The following FRMD6 variants were observed in gnomAD, a reference collection of about 807,000 sequenced individuals.
FRMD6 encodes FERM domain-containing protein 6.
Under a neutral mutation model 73.2 loss-of-function variants are expected in FRMD6, and 37 were observed. That is an observed-to-expected ratio of 0.51 (90% CI 0.39 to 0.66). The LOEUF (loss-of-function observed/expected upper bound fraction) is 0.66, where lower values mean the gene tolerates loss of function less well. Ranked by LOEUF, FRMD6 falls within the 30% of genes least tolerant of loss-of-function variation. The pLI is 0.00. For missense variants in FRMD6, 714 were observed against 780.5 expected (o/e 0.91, Z 1.02); for synonymous variants, 273 against 282.2 (o/e 0.97, Z 0.33).
At chr14:51,670,639 G>A (rs1024581188) in intron 1 of FRMD6, among the ~76,000 whole-genome samples, 7 of 150,540 alleles carry the variant, frequency 4.6e-5, no homozygotes, top group African/African-American at 1.7e-4. Context: ...TATATATTTA[G>A]TTAGGTCTTT....
chr14:51,633,692 CAA>C (rs2139992170), intron 2 of FRMD6, among the ~76,000 whole-genome samples: 1 of 131,732 alleles, frequency 7.6e-6, no homozygotes, highest in Admixed American at 7.5e-5. Flanking sequence ...GTTTTAGAAA[CAA>C]GATATTTTCA....
intron 1 of FRMD6, among the ~76,000 whole-genome samples, chr14:51,654,150 A>G (rs1473622641): frequency 2.0e-5 from 3 of 152,098 alleles, no homozygotes; most frequent in African/African-American, 7.2e-5. Flanking sequence ...GAACTTAGAG[A>G]TTTAAGATGC....
intron 3 of FRMD6, among the ~76,000 whole-genome samples, chr14:51,698,751 G>A (rs1007210454): frequency 7.7e-4 from 117 of 151,540 alleles, no homozygotes; most frequent in African/African-American, 2.7e-3. Flanking sequence ...TGGAAATATC[G>A]GGTCAGTTTC....
chr14:51,557,860 G>A (rs1041306134), intron 1 of FRMD6, among the ~76,000 whole-genome samples: 7 of 151,858 alleles, frequency 4.6e-5, no homozygotes, highest in African/African-American at 1.7e-4. Flanking sequence ...TTGGGTACTA[G>A]GCTTACTACC....
the FRMD6 span, among the ~76,000 whole-genome samples, chr14:51,473,621 G>C: frequency 6.6e-6 from 1 of 152,172 alleles, no homozygotes; most frequent in Non-Finnish European, 1.5e-5. Flanking sequence ...CTCTCTTGCT[G>C]ATTCTGGACC....
intron 1 of FRMD6, among the ~76,000 whole-genome samples, chr14:51,527,598 G>A (rs1230893619): frequency 6.6e-6 from 1 of 152,118 alleles, no homozygotes; most frequent in African/African-American, 2.4e-5. Flanking sequence ...AACCTCCACT[G>A]AATAACAGGT....
In FRMD6 at chr14:51,633,439, A is replaced by C. The variant is rs138754040; in HGVS notation, c.-146-56252A>C. Among the ~76,000 whole-genome samples, 1,004 of 151,498 alleles carry C rather than the reference A, an allele frequency of 6.6e-3. 12 individuals are homozygous for C. Among genetic ancestry groups the C allele is most frequent in the African/African-American group, 0.023 (952 of 41,312 alleles). ...CAGCATGGTGAAACCCTGTCTCTAC[A>C]AAAAATGCAAAAATTAGTTGGGCAT... On this transcript the variant is annotated intron_variant, in intron 2 of 14. Transcript: ENST00000356218.
chr14:51,575,025 G>T (rs1888329048), intron 2 of FRMD6, among the ~76,000 whole-genome samples: 1 of 152,098 alleles, frequency 6.6e-6, no homozygotes, highest in African/African-American at 2.4e-5. Flanking sequence ...CAAAGTAAAT[G>T]TGTTGCTCTC....
chr14:51,542,971 C>CT (rs1052396818), intron 1 of FRMD6, among the ~76,000 whole-genome samples: 7 of 152,038 alleles, frequency 4.6e-5, no homozygotes, highest in African/African-American at 1.7e-4. Context: ...CATTGTTTGA[C>CT]TTTTTGTTGT....
chr14:51,706,687 G>A (rs1896643105), intron 6 of FRMD6, among the ~76,000 whole-genome samples: 1 of 151,518 alleles, frequency 6.6e-6, no homozygotes, highest in Non-Finnish European at 1.5e-5. Context: ...CGCTCCTTCT[G>A]GGCAGACCAT....
chr14:51,441,934 T>A, the FRMD6 span, among the ~76,000 whole-genome samples: 4 of 152,210 alleles, frequency 2.6e-5, no homozygotes, highest in Non-Finnish European at 5.9e-5. Flanking sequence ...TTAACCGAGA[T>A]GAATACAAAA....
intron 1 of FRMD6, among the ~76,000 whole-genome samples, chr14:51,491,956 G>A (rs186700328): frequency 9.2e-5 from 14 of 152,342 alleles, no homozygotes; most frequent in Non-Finnish European, 1.9e-4. Context: ...CAAGTGTCCT[G>A]TCGTGCCTCC....
At position 51,725,850 on chromosome 14, in the gene FRMD6, A is replaced by C; in HGVS notation, c.1564A>C (p.Ser522Arg). The C allele has an allele frequency of 6.2e-7, 1 of 1,613,394 alleles. No individual in the cohort carries two copies. The highest frequency in any genetic ancestry group is 1.3e-5 in the African/African-American group (1 of 75,044). The stretch of plus-strand genomic sequence containing the variant: ...AACAGTTGTTAAGCTTCGTGGCCAG[A>C]GTACTGATTCTCTTCCACAGGTATT... ...SETVVKLRGQ[S>R]TDSLPQTICR... The change falls in exon 13 of 14, where the codon AGT becomes CGT. Residue 522 changes from serine to arginine, a missense_variant. Physicochemically the swap from Ser to Arg is moderately radical, Grantham distance 110. Transcript: ENST00000344768.
At chr14:51,667,245 C>T (rs532367490) in intron 1 of FRMD6, among the ~76,000 whole-genome samples, 19 of 152,210 alleles carry the variant, frequency 1.2e-4, no homozygotes, top group African/African-American at 4.3e-4. Context: ...TTTCTCATGG[C>T]TTTCAGAAAT....
intron 1 of FRMD6, among the ~76,000 whole-genome samples, chr14:51,527,193 GT>G (rs1222784972): frequency 6.6e-6 from 1 of 152,258 alleles, no homozygotes; most frequent in African/African-American, 2.4e-5. Flanking sequence ...AGTAGCCACT[GT>G]TCCATTATTT....
intron 2 of FRMD6, among the ~76,000 whole-genome samples, chr14:51,606,419 G>A (rs1042587191): frequency 9.9e-5 from 15 of 152,124 alleles, no homozygotes; most frequent in African/African-American, 3.6e-4. Context: ...ATGCACATAT[G>A]TACACCCCTG....
intron 2 of FRMD6, among the ~76,000 whole-genome samples, chr14:51,696,424 A>T (rs939822016): frequency 7.3e-5 from 11 of 151,108 alleles, no homozygotes; most frequent in African/African-American, 2.4e-4. Flanking sequence ...TGTATGAGTT[A>T]TTATTTATAA....
At chr14:51,680,476 C>T (rs1894718940) in intron 1 of FRMD6, among the ~76,000 whole-genome samples, 1 of 152,186 alleles carries the variant, frequency 6.6e-6, no homozygotes, top group South Asian at 2.1e-4. Flanking sequence ...AGAGTATAAA[C>T]TGTCTAAGGG....
At chr14:51,471,788 C>T in the FRMD6 span, among the ~76,000 whole-genome samples, 4 of 151,686 alleles carry the variant, frequency 2.6e-5, no homozygotes, top group Non-Finnish European at 5.9e-5. Context: ...CAAATAATAA[C>T]AGAGTTTAAA....
Sources: allele counts gnomAD v4.1 joint callset (sites outside exome capture counted in the v4.1 genomes callset), GRCh38; gene constraint gnomAD v4.1.1; transcripts MANE v1.5; gene names NCBI Gene and HGNC (gene_info 2026-07-23, HGNC 2026-07-21).